The following DLC1 variants were observed in gnomAD, a reference collection of about 807,000 sequenced individuals.
DLC1 encodes the protein rho GTPase-activating protein 7.
A neutral mutation model predicts 140.3 loss-of-function variants in DLC1; 54 were observed. The observed-to-expected ratio is 0.38, with a 90% CI of 0.31 to 0.48. The LOEUF is 0.48. DLC1 is among the 20% of genes least tolerant of loss of function. The pLI, the probability that DLC1 is intolerant of heterozygous loss-of-function variation, is 0.96. For missense variants in DLC1, 2,536 were observed against 1,907.0 expected, an observed-to-expected ratio of 1.33 and a Z score of -6.14; for synonymous variants, 986 against 728.1, an observed-to-expected ratio of 1.35 and a Z score of -5.70.
intron 2 of DLC1, among the ~76,000 whole-genome samples, chr8:13,444,853 C>T (rs1450221937): frequency 6.6e-6 from 1 of 151,946 alleles, no homozygotes; most frequent in East Asian, 1.9e-4. Context: ...TTTCATTTCA[C>T]TGACTCCACA....
chr8:13,350,952 A>C (rs7820389), intron 4 of DLC1, among the ~76,000 whole-genome samples: 120,337 of 149,932 alleles, frequency 0.8, 48,133 homozygotes, highest in East Asian at 0.97. Context: ...AAACACTCAA[A>C]TCTCTGATGA....
intron 1 of DLC1, among the ~76,000 whole-genome samples, chr8:13,585,384 C>G (rs796356851): frequency 7.9e-5 from 12 of 151,956 alleles, no homozygotes; most frequent in African/African-American, 2.7e-4. Context: ...GGAAACATAG[C>G]AAGACTCTCA....
intron 1 of DLC1, among the ~76,000 whole-genome samples, chr8:13,597,955 T>C (rs1805737090): frequency 6.6e-6 from 1 of 152,034 alleles, no homozygotes; most frequent in African/African-American, 2.4e-5. Flanking sequence ...TGTGAATAAT[T>C]TATTGGGATT....
intron 2 of DLC1, among the ~76,000 whole-genome samples, chr8:13,479,847 GA>G (rs1563383570): frequency 0.014 from 300 of 21,066 alleles, 16 homozygotes; most frequent in African/African-American, 0.037. Flanking sequence ...AGAAGAAGAA[GA>G]AGAAGAAGAA....
At chr8:13,395,597 TTTC>T (rs1297717230) in intron 3 of DLC1, among the ~76,000 whole-genome samples, 1 of 152,198 alleles carries the variant, frequency 6.6e-6, no homozygotes, top group Non-Finnish European at 1.5e-5. Flanking sequence ...ATTAATACCT[TTTC>T]TTCCTTAATT....
chr8:13,429,714 C>T (rs375064080), intron 2 of DLC1, among the ~76,000 whole-genome samples: 1 of 152,104 alleles, frequency 6.6e-6, no homozygotes, highest in Non-Finnish European at 1.5e-5. Flanking sequence ...TTGTTAGTAT[C>T]TATTTGGATA....
intron 10 of DLC1, 51 bp downstream of exon 10, chr8:13,098,348 G>A: frequency 6.2e-7 from 1 of 1,602,780 alleles, no homozygotes; most frequent in Non-Finnish European, 8.5e-7. Flanking sequence ...TCAAGGAACT[G>A]ACCAAAAATA....
intron 2 of DLC1, among the ~76,000 whole-genome samples, chr8:13,427,277 C>T (rs1838635661): frequency 6.6e-6 from 1 of 152,136 alleles, no homozygotes; most frequent in Non-Finnish European, 1.5e-5. Flanking sequence ...AGTTCTCTGT[C>T]CAACTCGGCT....
chr8:13,283,489 A>G (rs1037284147), intron 5 of DLC1, among the ~76,000 whole-genome samples: 3 of 152,182 alleles, frequency 2.0e-5, no homozygotes, highest in African/African-American at 7.2e-5. Context: ...GAGGAAAACC[A>G]AATATAACCT....
intron 9 of DLC1, 127 bp downstream of exon 9, chr8:13,099,220 C>T: frequency 6.8e-7 from 1 of 1,463,228 alleles, no homozygotes; most frequent in South Asian, 1.5e-5. Context: ...TGGTTTGACA[C>T]CTTCCTTAGG....
intron 5 of DLC1, among the ~76,000 whole-genome samples, chr8:13,241,846 T>A (rs1829558005): frequency 1.3e-5 from 2 of 152,096 alleles, no homozygotes; most frequent in Admixed American, 1.3e-4. Context: ...CCGGGGTCCT[T>A]TCATTTCCTC....
intron 5 of DLC1, chr8:13,133,337 C>A: frequency 2.6e-6 from 3 of 1,159,548 alleles, no homozygotes; most frequent in Non-Finnish European, 2.1e-6. Context: ...GGCCCACCCC[C>A]CGAGGGGCGG....
At chr8:13,377,700 A>T (rs957562356) in intron 4 of DLC1, among the ~76,000 whole-genome samples, 2 of 152,102 alleles carry the variant, frequency 1.3e-5, no homozygotes, top group East Asian at 1.9e-4. Flanking sequence ...AAGTCATGAA[A>T]CGTCTTCTGT....
chr8:13,196,733 G>C (rs959590745), intron 5 of DLC1, among the ~76,000 whole-genome samples: 2 of 152,144 alleles, frequency 1.3e-5, no homozygotes, highest in Non-Finnish European at 2.9e-5. Flanking sequence ...TTTATGTCAC[G>C]AGAGTCATGA....
At chr8:13,217,420 G>C (rs1828254772) in intron 5 of DLC1, among the ~76,000 whole-genome samples, 1 of 152,076 alleles carries the variant, frequency 6.6e-6, no homozygotes, top group South Asian at 2.1e-4. Context: ...TGTCTCACTA[G>C]AATGATCTGC....
chr8:13,297,890 T>G (rs1163997391), intron 5 of DLC1, among the ~76,000 whole-genome samples: 1 of 152,190 alleles, frequency 6.6e-6, no homozygotes, highest in African/African-American at 2.4e-5. Flanking sequence ...TTGTTGTTGT[T>G]GTTATTCATT....
chr8:13,363,348 C>G (rs554990894), intron 4 of DLC1, among the ~76,000 whole-genome samples: 1 of 149,110 alleles, frequency 6.7e-6, no homozygotes, highest in Non-Finnish European at 1.5e-5. Flanking sequence ...TCATTGAATA[C>G]GTGAATGCTA....
At chr8:13,399,719 C>T (rs1027132876) in intron 3 of DLC1, among the ~76,000 whole-genome samples, 2 of 152,184 alleles carry the variant, frequency 1.3e-5, no homozygotes, top group Non-Finnish European at 2.9e-5. Flanking sequence ...CCTCCTTAAA[C>T]CTTTATCTCT....
chr8:13,539,498 C>T (rs879151396), intron 1 of DLC1, among the ~76,000 whole-genome samples: 9 of 152,160 alleles, frequency 5.9e-5, no homozygotes, highest in Admixed American at 5.2e-4. Context: ...CTGCACCCGC[C>T]GCGAATAGTA....
Sources: allele counts gnomAD v4.1 joint callset (sites outside exome capture counted in the v4.1 genomes callset), GRCh38; gene constraint gnomAD v4.1.1; transcripts MANE v1.5; gene names NCBI Gene and HGNC (gene_info 2026-07-23, HGNC 2026-07-21).